Variants in TXNL1 observed in about 807,000 individuals in gnomAD.
TXNL1 encodes the protein thioredoxin-like protein 1.
Under a neutral mutation model 35.5 loss-of-function variants are expected in TXNL1, and 14 were observed. That is an observed-to-expected ratio of 0.39 (90% CI 0.26 to 0.62). The LOEUF (loss-of-function observed/expected upper bound fraction) is 0.62. Among genes scored for constraint, TXNL1 ranks in the 20% least tolerant of loss-of-function variants. The pLI is 0.47. For synonymous variants in TXNL1, 110 were observed against 115.5 expected (o/e 0.95, Z 0.31); for missense variants, 263 against 349.7 (o/e 0.75, Z 1.98).
intron 2 of TXNL1, among the ~76,000 whole-genome samples, chr18:56,625,459 C>G (rs2024261637): frequency 6.6e-6 from 1 of 152,058 alleles, no homozygotes; most frequent in African/African-American, 2.4e-5. Context: ...TTTATACTTT[C>G]CGTACATATC....
Position 56,638,359 on chromosome 18 carries a change from T to C in TXNL1, c.82A>G (p.Lys28Glu). The C allele has an allele frequency of 6.2e-7, 1 of 1,613,306 alleles. No homozygotes were observed. Among genetic ancestry groups the C allele is most frequent in the Non-Finnish European group, 8.5e-7 (1 of 1,179,574 alleles). ...SGAGSRLAVV[K>E]FTMRGCGPCL... Reference sequence around the variant, plus strand: ...TGGCCTCACCCTCTCATGGTGAACTTGACCACGGCGAGTCTGGAGCCCGCG... The same window carrying C: ...TGGCCTCACCCTCTCATGGTGAACTCGACCACGGCGAGTCTGGAGCCCGCG... Residue 28 changes from lysine (K) to glutamate (E), a missense_variant, in exon 1 of 8, where the codon AAG (lysine) becomes GAG (glutamate). Transcript: ENST00000217515.
At chr18:56,613,752 A>T (rs889317484) in intron 6 of TXNL1, among the ~76,000 whole-genome samples, 1 of 152,202 alleles carries the variant, frequency 6.6e-6, no homozygotes, top group African/African-American at 2.4e-5. Flanking sequence ...TCAGGGCTAT[A>T]CTGAACCAAG....
At chr18:56,633,456 A>G (rs1237795482) in intron 1 of TXNL1, among the ~76,000 whole-genome samples, 2 of 150,614 alleles carry the variant, frequency 1.3e-5, no homozygotes, top group African/African-American at 2.4e-5. Context: ...CAAAAAAAAA[A>G]AAAAAAAAAA....
At chr18:56,606,760 A>C (rs2023902577) in intron 7 of TXNL1, among the ~76,000 whole-genome samples, 1 of 152,202 alleles carries the variant, frequency 6.6e-6, no homozygotes, top group Non-Finnish European at 1.5e-5. Flanking sequence ...TCCCTATGTT[A>C]TCTACAAGAA....
In TXNL1 at chr18:56,598,751, T is replaced by G. The variant is rs570419975; in HGVS notation, c.*4276A>C. 6.6e-6 allele frequency: 1 copy of G among 152,188 alleles called. No homozygotes were observed. The highest frequency in any genetic ancestry group is 1.5e-5 in the Non-Finnish European group (1 of 68,032). 9.4% of individuals were successfully genotyped at this position (152,188 alleles called of 1,614,324 possible). The stretch of plus-strand genomic sequence containing the variant: ...AGAAGATACTTATCCTTGTTCCAGA[T>G]ACAAAGTAAGGCGCATCTTCAGAAC... On this transcript the variant is annotated 3_prime_UTR_variant, in exon 8 of 8. Transcript: ENST00000217515.
chr18:56,604,809 T>C (rs947499019), intron 7 of TXNL1, among the ~76,000 whole-genome samples: 2 of 152,136 alleles, frequency 1.3e-5, no homozygotes, highest in African/African-American at 4.8e-5. Flanking sequence ...TCAACTGAAA[T>C]GTAATCAATA....
At chr18:56,603,996 C>T (rs1288350932) in intron 7 of TXNL1, among the ~76,000 whole-genome samples, 1 of 152,134 alleles carries the variant, frequency 6.6e-6, no homozygotes, top group African/African-American at 2.4e-5. Flanking sequence ...CATGTCTGGT[C>T]TAAAATATAA....
chr18:56,612,439 C>T (rs1481829397), intron 6 of TXNL1, among the ~76,000 whole-genome samples: 2 of 151,834 alleles, frequency 1.3e-5, no homozygotes, highest in Non-Finnish European at 2.9e-5. Context: ...ACGATAAAAA[C>T]TAAAAGTTTT....
rs1355075209 is a variant in TXNL1, at chr18:56,599,426, A to G, written c.*3601T>C. 1.3e-5 allele frequency: 2 copies of G among 152,188 alleles called. No individual in the cohort carries two copies. Among genetic ancestry groups the G allele is most frequent in the East Asian group, 3.8e-4 (2 of 5,200 alleles). The allele number at this position is 152,188 out of a possible 1,614,324, so 9.4% of individuals were successfully genotyped here. ...AATTTATTTACTATATGCATGTTATATATACTTGCTTTATGTGTATTATAA... is the reference window on the plus strand; with the variant it reads ...AATTTATTTACTATATGCATGTTATGTATACTTGCTTTATGTGTATTATAA... On this transcript the variant is annotated 3_prime_UTR_variant, in exon 8 of 8. Transcript: ENST00000217515.
At chr18:56,614,689 C>T (rs2024055166) in intron 5 of TXNL1, 93 bp from the exon 6 acceptor site, 1 of 962,728 alleles carries the variant, frequency 1.0e-6, no homozygotes, top group Non-Finnish European at 1.5e-6. Flanking sequence ...CAGACACACA[C>T]AAATCAATAC....
chr18:56,627,119 C>T (rs2024298493), intron 1 of TXNL1, among the ~76,000 whole-genome samples: 1 of 151,860 alleles, frequency 6.6e-6, no homozygotes, highest in Non-Finnish European at 1.5e-5. Flanking sequence ...AGGCCTGATT[C>T]TCTGGTCTAT....
chr18:56,606,495 A>C (rs1436339345), intron 7 of TXNL1, among the ~76,000 whole-genome samples: 3 of 152,198 alleles, frequency 2.0e-5, no homozygotes, highest in African/African-American at 7.2e-5. Flanking sequence ...TGAATCCTCC[A>C]CCTTCCTAAG....
At chr18:56,629,697 A>C (rs1274168446) in intron 1 of TXNL1, among the ~76,000 whole-genome samples, 1 of 152,144 alleles carries the variant, frequency 6.6e-6, no homozygotes, top group Non-Finnish European at 1.5e-5. Context: ...TAAAATATTA[A>C]ATGAGTTGAG....
chr18:56,603,059 A>G lies in TXNL1; in HGVS notation c.841-3T>C. Reference sequence around the variant, plus strand: ...CTTTCTCCTTTTTTGCCAACTACCTAGAAAAACAAAAATAAGTTTATATGT... The same window carrying G: ...CTTTCTCCTTTTTTGCCAACTACCTGGAAAAACAAAAATAAGTTTATATGT... On this transcript the variant is annotated splice_polypyrimidine_tract_variant and splice_region_variant and intron_variant, in intron 7 of 7. Transcript: ENST00000217515. 1 of 1,612,686 alleles carries G rather than the reference A, an allele frequency of 6.2e-7. No individual in the cohort carries two copies. The highest frequency in any genetic ancestry group is 8.5e-7 in the Non-Finnish European group (1 of 1,178,880).
chr18:56,615,349 T>C (rs374537488), intron 5 of TXNL1, among the ~76,000 whole-genome samples: 9 of 142,644 alleles, frequency 6.3e-5, no homozygotes, highest in African/African-American at 1.8e-4. Flanking sequence ...AAGAAAATGC[T>C]ATCTTCTAAA....
intron 3 of TXNL1, among the ~76,000 whole-genome samples, chr18:56,621,476 G>C (rs1016934503): frequency 3.9e-5 from 6 of 152,028 alleles, no homozygotes; most frequent in Non-Finnish European, 7.4e-5. Flanking sequence ...TTACAGGCGT[G>C]AGCCACCACA....
intron 7 of TXNL1, among the ~76,000 whole-genome samples, chr18:56,606,220 C>CA (rs550835298): frequency 1.3e-5 from 2 of 151,986 alleles, no homozygotes; most frequent in South Asian, 4.2e-4. Flanking sequence ...ACTAAATATA[C>CA]AAAAAAATTA....
chr18:56,611,011 A>C lies in TXNL1; in HGVS notation c.822T>G (p.Asn274Lys). Residue 274 changes from asparagine (N) to lysine (K), a missense_variant, in exon 7 of 8, where the codon AAT becomes AAG. Asn to Lys is a moderately conservative substitution (Grantham distance 94). Transcript: ENST00000217515. ...AACTTACTCGTTTGAAGTCATTCAT[A>C]TTTGTTGCCTGGACTGGAGTACCAA... The part of the protein sequence containing the change: ...TFIGTPVQAT[N>K]MNDFKRVVGK... The C allele has an allele frequency of 1.2e-6, 2 of 1,604,942 alleles. No homozygotes were observed. Among genetic ancestry groups the C allele is most frequent in the Non-Finnish European group, 1.7e-6 (2 of 1,176,510 alleles).
chr18:56,603,205 A>G, intron 7 of TXNL1, 149 bp from the exon 8 acceptor site: 1 of 600,136 alleles, frequency 1.7e-6, no homozygotes, highest in East Asian at 3.1e-5. Context: ...GTTGAAGCAA[A>G]CTGTGACCTC....
Sources: allele counts gnomAD v4.1 joint callset (sites outside exome capture counted in the v4.1 genomes callset), GRCh38; gene constraint gnomAD v4.1.1; transcripts MANE v1.5; gene names NCBI Gene and HGNC (gene_info 2026-07-23, HGNC 2026-07-21).